Variants in SPATA6 observed in about 807,000 individuals in gnomAD.
SPATA6 encodes spermatogenesis-associated protein 6.
In SPATA6, 56 loss-of-function variants were observed where a neutral mutation model predicts 65.3. That is an observed-to-expected ratio of 0.86 (90% confidence interval 0.69 to 1.07). The LOEUF (loss-of-function observed/expected upper bound fraction) is 1.07, where lower values mean the gene tolerates loss of function less well. Among genes scored for constraint, SPATA6 ranks in the 50% least tolerant of loss-of-function variants. SPATA6 has a pLI of 0.00. For missense variants in SPATA6, 590 were observed against 594.8 expected (o/e 0.99, Z 0.08); for synonymous variants, 199 against 213.2 (o/e 0.93, Z 0.58).
chr1:48,451,522 A>C (rs1656565724), intron 3 of SPATA6, 30 bp downstream of exon 3: 22 of 1,589,698 alleles, frequency 1.4e-5, no homozygotes, highest in Non-Finnish European at 1.9e-5. Context: ...AATGTCTTAG[A>C]ATCAGGAATT....
At chr1:48,415,359 A>G (rs780084784) in intron 3 of SPATA6, among the ~76,000 whole-genome samples, 4 of 152,230 alleles carry the variant, frequency 2.6e-5, no homozygotes, top group African/African-American at 9.6e-5. Context: ...TATCAGGCAT[A>G]TAAGTGTGAG....
intron 3 of SPATA6, among the ~76,000 whole-genome samples, chr1:48,443,444 T>C (rs1464061682): frequency 6.6e-6 from 1 of 152,190 alleles, no homozygotes; most frequent in Admixed American, 6.5e-5. Flanking sequence ...AGCAGGTTTA[T>C]CTACTTCATT....
At chr1:48,451,011 T>C (rs1656515704) in intron 3 of SPATA6, among the ~76,000 whole-genome samples, 1 of 152,210 alleles carries the variant, frequency 6.6e-6, no homozygotes, top group East Asian at 1.9e-4. Context: ...CTCTCACAAA[T>C]AGTTGTATCT....
chr1:48,287,089 T>G, the SPATA6 span, among the ~76,000 whole-genome samples: 1 of 150,418 alleles, frequency 6.6e-6, no homozygotes, highest in African/African-American at 2.4e-5. Context: ...TTGCAGGCTG[T>G]AAGGGAAGGA....
intron 3 of SPATA6, among the ~76,000 whole-genome samples, chr1:48,444,477 T>C (rs1403092044): frequency 6.6e-6 from 1 of 151,992 alleles, no homozygotes; most frequent in East Asian, 1.9e-4. Flanking sequence ...CGGCACTCTG[T>C]AAAAACATAC....
At chr1:48,459,506 C>T (rs966470770) in intron 1 of SPATA6, among the ~76,000 whole-genome samples, 1 of 152,148 alleles carries the variant, frequency 6.6e-6, no homozygotes, top group African/African-American at 2.4e-5. Context: ...AAAAATTACA[C>T]ATTTGAATTT....
At chr1:48,299,014 A>C in intron 12 of SPATA6, 121 bp from the exon 13 acceptor site, 1 of 982,136 alleles carries the variant, frequency 1.0e-6, no homozygotes, top group Non-Finnish European at 1.4e-6. Context: ...GGGCTGTGAA[A>C]AATAAAACAG....
chr1:48,348,113 AGTG>A (rs1557594475), intron 11 of SPATA6, among the ~76,000 whole-genome samples: 1 of 152,008 alleles, frequency 6.6e-6, no homozygotes, highest in African/African-American at 2.4e-5. Flanking sequence ...TTTTGCGGGC[AGTG>A]GGCAAGAACA....
At chr1:48,375,095 A>G (rs1301291722) in intron 9 of SPATA6, among the ~76,000 whole-genome samples, 1 of 152,120 alleles carries the variant, frequency 6.6e-6, no homozygotes, top group African/African-American at 2.4e-5. Flanking sequence ...GAAATACCAA[A>G]TTCCTCTGTG....
At chr1:48,457,508 A>C (rs1438503036) in intron 1 of SPATA6, among the ~76,000 whole-genome samples, 1 of 152,238 alleles carries the variant, frequency 6.6e-6, no homozygotes, top group Non-Finnish European at 1.5e-5. Flanking sequence ...AGCAAGATAG[A>C]AGTGATTCAG....
chr1:48,376,514 T>G (rs1377961707), intron 9 of SPATA6, among the ~76,000 whole-genome samples: 1 of 151,478 alleles, frequency 6.6e-6, no homozygotes, highest in African/African-American at 2.4e-5. Flanking sequence ...TATTTTTGCC[T>G]AGCTCCTGGA....
chr1:48,467,574 C>T (rs1657905421), intron 1 of SPATA6, among the ~76,000 whole-genome samples: 1 of 152,050 alleles, frequency 6.6e-6, no homozygotes, highest in South Asian at 2.1e-4. Flanking sequence ...AAACAACCAT[C>T]AACAAGAGAA....
chr1:48,395,399 C>T, intron 7 of SPATA6, 45 bp from the exon 8 acceptor site: 1 of 1,382,718 alleles, frequency 7.2e-7, no homozygotes, highest in Non-Finnish European at 9.6e-7. Flanking sequence ...TTAAACATTC[C>T]TAGACTTTCA....
chr1:48,322,813 T>C (rs139687496), intron 11 of SPATA6, among the ~76,000 whole-genome samples: 3,753 of 152,226 alleles, frequency 0.025, 98 homozygotes, highest in African/African-American at 0.067. Flanking sequence ...AACAAACTTA[T>C]GAAAAAATGC....
chr1:48,262,907 A>C, the SPATA6 span: 1 of 152,180 alleles, frequency 6.6e-6, no homozygotes, highest in Admixed American at 6.5e-5. Flanking sequence ...AAATGGTTCT[A>C]AGTTTATCAG....
intron 11 of SPATA6, among the ~76,000 whole-genome samples, chr1:48,353,794 T>C (rs144500012): frequency 1.6e-4 from 25 of 152,022 alleles, no homozygotes; most frequent in African/African-American, 6.0e-4. Flanking sequence ...GTTCATATAT[T>C]TAAATGTTAA....
intron 11 of SPATA6, among the ~76,000 whole-genome samples, chr1:48,307,550 T>C (rs1024344060): frequency 8.6e-5 from 13 of 151,204 alleles, no homozygotes; most frequent in African/African-American, 3.1e-4. Flanking sequence ...CTATTAACTA[T>C]GTATTGGTCT....
At chr1:48,396,093 A>G (rs1650559858) in intron 7 of SPATA6, among the ~76,000 whole-genome samples, 1 of 151,830 alleles carries the variant, frequency 6.6e-6, no homozygotes, top group Non-Finnish European at 1.5e-5. Context: ...CAATAAGAAC[A>G]TGAAAAGAAA....
chr1:48,409,608 C>T (rs1476578430), intron 5 of SPATA6, among the ~76,000 whole-genome samples: 1 of 152,240 alleles, frequency 6.6e-6, no homozygotes, highest in Non-Finnish European at 1.5e-5. Flanking sequence ...GCACCTCGCC[C>T]CTGCAGCAAA....
Sources: gnomAD v4.1 joint callset for allele counts (sites outside exome capture counted in the v4.1 genomes callset) on GRCh38, gnomAD v4.1.1 for gene constraint, MANE v1.5 for transcripts, NCBI Gene and HGNC (gene_info 2026-07-23, HGNC 2026-07-21) for gene names.